ST7: variants seen among roughly 807,000 people sequenced by gnomAD.
ST7 encodes suppressor of tumorigenicity 7 protein.
Under a neutral mutation model 78.7 loss-of-function variants are expected in ST7, and 28 were observed. The observed-to-expected ratio is 0.36, with a 90% confidence interval of 0.26 to 0.49. ST7 has a LOEUF of 0.49. Among genes scored for constraint, ST7 ranks in the 20% least tolerant of loss-of-function variants. The probability of loss-of-function intolerance (pLI) is 0.99; values close to 1 mark genes in which losing one functional copy is unlikely to be tolerated. For synonymous variants in ST7, 247 were observed against 249.6 expected, an observed-to-expected ratio of 0.99 and a Z score of 0.10; for missense variants, 418 against 696.0, an observed-to-expected ratio of 0.60 and a Z score of 4.49.
At chr7:117,014,287 G>GATTGAAACA (rs11281131) in intron 1 of ST7, among the ~76,000 whole-genome samples, 149,556 of 152,230 alleles carry the variant, frequency 0.98, 73,528 homozygotes, top group East Asian at 1. Flanking sequence ...ATATGCTCAA[G>GATTGAAACA]ATTGGCAATG....
intron 2 of ST7, among the ~76,000 whole-genome samples, chr7:117,105,322 C>T (rs573396741): frequency 1.3e-5 from 2 of 152,282 alleles, no homozygotes; most frequent in South Asian, 2.1e-4. Flanking sequence ...GGGAAGGTCA[C>T]GCAGGCTGCA....
chr7:116,969,747 G>A (rs943070347), intron 1 of ST7, among the ~76,000 whole-genome samples: 3 of 152,160 alleles, frequency 2.0e-5, no homozygotes, highest in African/African-American at 7.2e-5. Flanking sequence ...GAGACTTGGA[G>A]GCAGTCAGAG....
intron 6 of ST7, among the ~76,000 whole-genome samples, chr7:117,133,563 G>C (rs1584433839): frequency 6.6e-6 from 1 of 151,220 alleles, no homozygotes; most frequent in Non-Finnish European, 1.5e-5. Context: ...TTATTATGTT[G>C]TTTGTCTTTT....
chr7:116,979,772 C>A (rs1793864300), intron 1 of ST7, among the ~76,000 whole-genome samples: 1 of 152,032 alleles, frequency 6.6e-6, no homozygotes, highest in African/African-American at 2.4e-5. Context: ...TATTGCCTAG[C>A]AAATGAAATA....
At chr7:117,175,523 T>C (rs1386566132) in intron 10 of ST7, among the ~76,000 whole-genome samples, 2 of 152,166 alleles carry the variant, frequency 1.3e-5, no homozygotes, top group Non-Finnish European at 2.9e-5. Context: ...TTAGTGATCC[T>C]TGGGGATACC....
intron 12 of ST7, among the ~76,000 whole-genome samples, chr7:117,208,909 GTGTGTGT>G: frequency 3.7e-5 from 1 of 26,990 alleles, no homozygotes; most frequent in Admixed American, 8.8e-4. Context: ...GTGGGTGTGT[GTGTGTGT>G]GTGTGTGTGT....
At chr7:116,969,884 T>C (rs1793323952) in intron 1 of ST7, among the ~76,000 whole-genome samples, 1 of 152,148 alleles carries the variant, frequency 6.6e-6, no homozygotes, top group Non-Finnish European at 1.5e-5. Flanking sequence ...GAGACTAGCC[T>C]GACCAACATG....
At chr7:117,006,235 A>G (rs2115867848) in intron 1 of ST7, among the ~76,000 whole-genome samples, 1 of 152,368 alleles carries the variant, frequency 6.6e-6, no homozygotes, top group South Asian at 2.1e-4. Flanking sequence ...AGCAGTTGTT[A>G]TGAATCTGTC....
chr7:117,057,583 A>C (rs1405985877), intron 1 of ST7, among the ~76,000 whole-genome samples: 1 of 152,196 alleles, frequency 6.6e-6, no homozygotes, highest in African/African-American at 2.4e-5. Flanking sequence ...GTTGACTTCA[A>C]GTGCTCAAAC....
chr7:117,115,062 C>G (rs1406346802), intron 2 of ST7, among the ~76,000 whole-genome samples: 1 of 152,160 alleles, frequency 6.6e-6, no homozygotes, highest in East Asian at 1.9e-4. Context: ...TAAATACGAT[C>G]TGGGCCCTGA....
intron 1 of ST7, among the ~76,000 whole-genome samples, chr7:117,024,328 A>G (rs1383919912): frequency 6.6e-6 from 1 of 152,300 alleles, no homozygotes; most frequent in South Asian, 2.1e-4. Flanking sequence ...TATTCTTCAA[A>G]GAGTAGATAC....
intron 1 of ST7, among the ~76,000 whole-genome samples, chr7:117,077,109 C>T (rs920541827): frequency 2.6e-5 from 4 of 152,126 alleles, no homozygotes; most frequent in Admixed American, 6.5e-5. Flanking sequence ...GAAGTAATGT[C>T]GTCAAGCTGT....
At chr7:117,117,262 G>C (rs1329492148) in intron 2 of ST7, among the ~76,000 whole-genome samples, 3 of 152,166 alleles carry the variant, frequency 2.0e-5, no homozygotes, top group Non-Finnish European at 4.4e-5. Flanking sequence ...AAGAAACCCA[G>C]GGTTTGTGTG....
intron 2 of ST7, among the ~76,000 whole-genome samples, chr7:117,103,167 TATA>T (rs1195501649): frequency 2.0e-5 from 3 of 152,104 alleles, no homozygotes; most frequent in Admixed American, 2.0e-4. Context: ...GAATAAATTT[TATA>T]ATACTCTGCA....
intron 13 of ST7, among the ~76,000 whole-genome samples, chr7:117,214,250 T>G (rs1171180594): frequency 6.6e-6 from 1 of 152,060 alleles, no homozygotes; most frequent in Non-Finnish European, 1.5e-5. Context: ...CGTTTTTTTC[T>G]ACTTGACCAA....
chr7:116,984,917 G>A (rs553079975), intron 1 of ST7, among the ~76,000 whole-genome samples: 1 of 152,166 alleles, frequency 6.6e-6, no homozygotes, highest in South Asian at 2.1e-4. Context: ...AAAAAAATTG[G>A]GTCCTGTATA....
At chr7:117,201,961 CTTTTT>C (rs1278924099) in intron 12 of ST7, among the ~76,000 whole-genome samples, 1 of 70,958 alleles carries the variant, frequency 1.4e-5, no homozygotes, top group African/African-American at 5.6e-5. Flanking sequence ...TCGAAGCTAT[CTTTTT>C]TTTTTTTTTT....
At chr7:117,142,016 G>T (rs561033442) in intron 9 of ST7, among the ~76,000 whole-genome samples, 4 of 152,056 alleles carry the variant, frequency 2.6e-5, no homozygotes, top group Non-Finnish European at 5.9e-5. Context: ...ATAAAAAGTT[G>T]CATTTTCTGC....
intron 12 of ST7, among the ~76,000 whole-genome samples, chr7:117,196,589 T>C (rs1055076242): frequency 2.5e-4 from 38 of 151,504 alleles, no homozygotes; most frequent in Non-Finnish European, 4.7e-4. Flanking sequence ...TTGAGTCTTT[T>C]GCCAAGTTTT....
Sources: allele counts gnomAD v4.1 joint callset (sites outside exome capture counted in the v4.1 genomes callset), GRCh38; gene constraint gnomAD v4.1.1; transcripts MANE v1.5; gene names NCBI Gene and HGNC (gene_info 2026-07-23, HGNC 2026-07-21).